SLC31A2: variants seen among roughly 807,000 people sequenced by gnomAD.
SLC31A2 encodes protein SLC31A2.
A neutral mutation model predicts 14.4 loss-of-function variants in SLC31A2; 16 were observed. The ratio of observed to expected loss-of-function variants is 1.11; its 90% CI spans 0.75 to 1.69. The LOEUF (loss-of-function observed/expected upper bound fraction) is 1.69, where lower values mean the gene tolerates loss of function less well. SLC31A2 is among the 40% of genes most tolerant of loss of function. The probability of loss-of-function intolerance (pLI) is 0.00; values close to 1 mark genes in which losing one functional copy is unlikely to be tolerated. For missense variants in SLC31A2, 140 were observed against 173.9 expected, an observed-to-expected ratio of 0.81 and a Z score of 1.10; for synonymous variants, 56 against 68.7, an observed-to-expected ratio of 0.82 and a Z score of 0.91.
Position 113,163,137 on chromosome 9 carries a change from G to A in SLC31A2, c.*220G>A, listed in dbSNP as rs148428589. The A allele has an allele frequency of 1.3e-3, 564 of 442,030 alleles. 1 individual carries two copies. The highest frequency in any genetic ancestry group is 0.01 in the African/African-American group (514 of 49,438). The allele number at this position is 442,030 out of a possible 1,614,324, so 27.4% of individuals were successfully genotyped here. On this transcript the variant is annotated 3_prime_UTR_variant, in exon 4 of 4. Coordinates refer to ENST00000259392, the MANE Select transcript of SLC31A2 (RefSeq NM_001860.3). Reference sequence around the variant, plus strand: ...CTACGTAGGGCCCAGGCATGGTCTTGTGTCTTAAGACAGCTGCTGTGACCA... The same window carrying A: ...CTACGTAGGGCCCAGGCATGGTCTTATGTCTTAAGACAGCTGCTGTGACCA...
intron 1 of SLC31A2, chr9:113,152,208 A>C (rs1216627823): frequency 6.6e-6 from 1 of 152,220 alleles, no homozygotes; most frequent in Non-Finnish European, 1.5e-5. Context: ...CCACAGCCCC[A>C]CCCTGAAAAA....
chr9:113,151,059 G>C lies in SLC31A2; in HGVS notation c.-16G>C. Reference sequence around the variant, plus strand: ...GCGAGCAGACGCGGCCCTGGCGCCCGCCCTGCGCACTCACCATGGCGGTAA... The same window carrying C: ...GCGAGCAGACGCGGCCCTGGCGCCCCCCCTGCGCACTCACCATGGCGGTAA... On this transcript the variant is annotated 5_prime_UTR_variant, in exon 1 of 4. Coordinates refer to ENST00000259392, the MANE Select transcript of SLC31A2 (RefSeq NM_001860.3). The surrounding 1 kb of genome is among the most constrained non-coding windows in gnomAD (Gnocchi z 4.2). 1.5e-6 allele frequency: 2 copies of C among 1,307,170 alleles called. No homozygotes were observed. The highest frequency in any genetic ancestry group is 2.0e-6 in the Non-Finnish European group (2 of 1,021,174). 81.0% of individuals were successfully genotyped at this position (1,307,170 alleles called of 1,614,324 possible).
At chr9:113,155,894 G>C (rs1204063189) in intron 1 of SLC31A2, 4 of 331,834 alleles carry the variant, frequency 1.2e-5, no homozygotes, top group African/African-American at 2.1e-5. Flanking sequence ...AGAGGCCCTG[G>C]TTAACAAATG....
chr9:113,157,237 G>A (rs1363349603), intron 1 of SLC31A2, among the ~76,000 whole-genome samples: 4 of 152,182 alleles, frequency 2.6e-5, no homozygotes, highest in African/African-American at 9.7e-5. Flanking sequence ...AGGCAGATGT[G>A]GAGTACAGTG....
Position 113,163,072 on chromosome 9 carries a change from A to C in SLC31A2, c.*155A>C. The C allele has an allele frequency of 1.5e-6, 1 of 670,374 alleles. No homozygotes were observed. The highest frequency in any genetic ancestry group is 2.4e-6 in the Non-Finnish European group (1 of 425,196). The allele number at this position is 670,374 out of a possible 1,614,324, so 41.5% of individuals were successfully genotyped here. A position where few individuals can be genotyped will look rare whatever the true frequency, so the allele number is the denominator to read the frequency against. On this transcript the variant is annotated 3_prime_UTR_variant, in exon 4 of 4. Transcript: ENST00000259392. ...GCTGAAGCCAGCACTTGCTCCCTGG[A>C]GTTCGGAAGCCATTGCAGCAACCTT...
In SLC31A2 at chr9:113,151,085, G is replaced by A. The variant is rs752070076; in HGVS notation, c.6+5G>A. 2 of 1,308,522 alleles carry A rather than the reference G, an allele frequency of 1.5e-6. No individual in the cohort carries two copies. The highest frequency in any genetic ancestry group is 2.0e-6 in the Non-Finnish European group (2 of 1,020,732). The allele number at this position is 1,308,522 out of a possible 1,614,324, so 81.1% of individuals were successfully genotyped here. On this transcript the variant is annotated splice_donor_5th_base_variant and intron_variant, in intron 1 of 3. Transcript: ENST00000259392. This position sits in a 1 kb window ranked among gnomAD's most constrained non-coding sequence, Gnocchi z 4.2. ...CCCTGCGCACTCACCATGGCGGTAA[G>A]GGCCGGGCGCTACGGTGAAGAGGGT...
chr9:113,159,595 C>A (rs1380626657), intron 2 of SLC31A2, among the ~76,000 whole-genome samples: 6 of 152,204 alleles, frequency 3.9e-5, no homozygotes, highest in Admixed American at 2.0e-4. Context: ...GCTCCACACA[C>A]TTCTGTGACC....
intron 1 of SLC31A2, chr9:113,156,190 C>A (rs775946500): frequency 3.7e-5 from 19 of 513,912 alleles, no homozygotes; most frequent in African/African-American, 2.9e-4. Context: ...CTGATGGCCC[C>A]CACAGCCTTC....
chr9:113,157,628 C>T, intron 1 of SLC31A2, 99 bp from the exon 2 acceptor site: 1 of 956,496 alleles, frequency 1.0e-6, no homozygotes, highest in Non-Finnish European at 1.6e-6. Flanking sequence ...TTCCAGTGAC[C>T]CCATTTTTCT....
At chr9:113,157,630 C>T (rs897446236) in intron 1 of SLC31A2, 97 bp from the exon 2 acceptor site, 26 of 995,680 alleles carry the variant, frequency 2.6e-5, no homozygotes, top group Non-Finnish European at 4.0e-5. Flanking sequence ...CCAGTGACCC[C>T]ATTTTTCTGG....
At chr9:113,162,648 G>A in intron 3 of SLC31A2, 101 bp from the exon 4 acceptor site, 5 of 1,064,544 alleles carry the variant, frequency 4.7e-6, no homozygotes, top group Non-Finnish European at 5.5e-6. Flanking sequence ...TAAATCAATC[G>A]GGTCACGTAA....
intron 2 of SLC31A2, 165 bp downstream of exon 2, chr9:113,157,958 C>A: frequency 1.4e-6 from 1 of 701,556 alleles, no homozygotes; most frequent in South Asian, 1.5e-5. Context: ...TGTAACCACT[C>A]CCCTTCAGAT....
rs1829862208 is a variant in SLC31A2, at chr9:113,151,379, G to A, written c.6+299G>A. On this transcript the variant is annotated intron_variant, in intron 1 of 3. Coordinates refer to ENST00000259392, the MANE Select transcript of SLC31A2 (RefSeq NM_001860.3). The surrounding 1 kb of genome is among the most constrained non-coding windows in gnomAD (Gnocchi z 4.2). ...GGGGGCGCGGTGGCTGAAGACAGCT[G>A]GGTCCGGGGCCCCCGGCCCCGGACC... Among the ~76,000 whole-genome samples the A allele has an allele frequency of 6.6e-6, 1 of 152,014 alleles. No homozygotes were observed. The highest frequency in any genetic ancestry group is 2.1e-4 in the South Asian group (1 of 4,814).
In SLC31A2 at chr9:113,161,572, G is replaced by A; in HGVS notation, c.137G>A (p.Gly46Asp). 2 of 1,614,012 alleles carry A rather than the reference G, an allele frequency of 1.2e-6. No homozygotes were observed. The highest frequency in any genetic ancestry group is 1.7e-6 in the Non-Finnish European group (2 of 1,179,896). The change falls in exon 3 of 4, where the codon GGC (glycine) becomes GAC (aspartate). Residue 46 changes from glycine (G) to aspartate (D), a missense_variant. Gly to Asp is a moderately conservative substitution (Grantham distance 94). Transcript: ENST00000259392. ...GTACTGTATGAAGGCATCAAGGTTGGCAAAGCCAAGCTGCTCAACCAGGTA... is the reference window on the plus strand; with the variant it reads ...GTACTGTATGAAGGCATCAAGGTTGACAAAGCCAAGCTGCTCAACCAGGTA... ...LAVLYEGIKV[G>D]KAKLLNQVLV...
At chr9:113,157,626 A>G (rs1331882861) in intron 1 of SLC31A2, 101 bp from the exon 2 acceptor site, 1 of 923,240 alleles carries the variant, frequency 1.1e-6, no homozygotes, top group Non-Finnish European at 1.7e-6. Flanking sequence ...ACTTCCAGTG[A>G]CCCCATTTTT....
At chr9:113,153,176 T>C (rs895672489) in intron 1 of SLC31A2, among the ~76,000 whole-genome samples, 14 of 149,190 alleles carry the variant, frequency 9.4e-5, no homozygotes, top group African/African-American at 2.7e-4. Context: ...AGACTCAAAA[T>C]GATTTTTTAC....
chr9:113,156,933 C>G (rs1829941369), intron 1 of SLC31A2, among the ~76,000 whole-genome samples: 4 of 152,234 alleles, frequency 2.6e-5, no homozygotes, highest in Non-Finnish European at 5.9e-5. Context: ...AATTACTTCT[C>G]TAAGTCTAGT....
chr9:113,153,819 C>G (rs1587938742), intron 1 of SLC31A2, among the ~76,000 whole-genome samples: 1 of 152,284 alleles, frequency 6.6e-6, no homozygotes, highest in East Asian at 1.9e-4. Flanking sequence ...AGTCAGACCC[C>G]TTTTGGCACT....
intron 1 of SLC31A2, among the ~76,000 whole-genome samples, chr9:113,154,034 T>A (rs1057005295): frequency 1.3e-5 from 2 of 152,152 alleles, no homozygotes; most frequent in Non-Finnish European, 2.9e-5. Context: ...TGCAGTGGCA[T>A]GATCTTGGCT....
Sources: allele counts gnomAD v4.1 joint callset (sites outside exome capture counted in the v4.1 genomes callset), GRCh38; gene constraint gnomAD v4.1.1; non-coding constraint Gnocchi (gnomAD v3.1); transcripts MANE v1.5; gene names NCBI Gene and HGNC (gene_info 2026-07-23, HGNC 2026-07-21).